Variants in CTNND2 observed in about 807,000 individuals in gnomAD.
CTNND2 encodes catenin delta 2, also known as catenin delta-2.
In CTNND2, 22 loss-of-function variants were observed where a neutral mutation model predicts 144.4. That is an observed-to-expected ratio of 0.15 (90% CI 0.11 to 0.22). The LOEUF (loss-of-function observed/expected upper bound fraction) is 0.22. Ranked by LOEUF, CTNND2 falls within the 10% of genes least tolerant of loss-of-function variation. The pLI is 1.00. For missense variants in CTNND2, 1,353 were observed against 1,618.8 expected (o/e 0.84, Z 2.82); for synonymous variants, 751 against 695.6 (o/e 1.08, Z -1.25).
chr5:11,308,874 G>C (rs1750519373), intron 9 of CTNND2, among the ~76,000 whole-genome samples: 1 of 152,146 alleles, frequency 6.6e-6, no homozygotes, highest in African/African-American at 2.4e-5. Flanking sequence ...TATACAGAAA[G>C]CATGGCTGGG....
chr5:11,277,956 G>A (rs1002240787), intron 9 of CTNND2, among the ~76,000 whole-genome samples: 2 of 152,104 alleles, frequency 1.3e-5, no homozygotes, highest in Non-Finnish European at 2.9e-5. Flanking sequence ...CTACAACATT[G>A]CTGCAAAGCC....
At chr5:11,566,259 T>G (rs953836800) in intron 2 of CTNND2, among the ~76,000 whole-genome samples, 4 of 152,192 alleles carry the variant, frequency 2.6e-5, no homozygotes, top group African/African-American at 9.6e-5. Flanking sequence ...CCCTTTAAGG[T>G]GCTGAAACTG....
At chr5:11,705,163 T>C (rs999181131) in intron 2 of CTNND2, among the ~76,000 whole-genome samples, 4 of 152,168 alleles carry the variant, frequency 2.6e-5, no homozygotes, top group African/African-American at 9.7e-5. Context: ...ACCAAATGCC[T>C]GAACAGGACA....
chr5:11,511,129 G>C (rs1412247624), intron 3 of CTNND2, among the ~76,000 whole-genome samples: 1 of 152,174 alleles, frequency 6.6e-6, no homozygotes, highest in Non-Finnish European at 1.5e-5. Context: ...TTGTCTTGTT[G>C]AGAGTTGATT....
At chr5:11,061,365 A>G (rs1161359783) in intron 16 of CTNND2, among the ~76,000 whole-genome samples, 3 of 152,196 alleles carry the variant, frequency 2.0e-5, no homozygotes, top group Non-Finnish European at 4.4e-5. Context: ...TGCTTTCATG[A>G]GCCAAAACTC....
At chr5:11,753,210 T>G (rs1489233159) in intron 1 of CTNND2, among the ~76,000 whole-genome samples, 1 of 151,780 alleles carries the variant, frequency 6.6e-6, no homozygotes, top group African/African-American at 2.4e-5. Context: ...TCCAGAACTG[T>G]GTTGAATGGA....
At chr5:11,706,887 C>T (rs1317974646) in intron 2 of CTNND2, among the ~76,000 whole-genome samples, 1 of 152,050 alleles carries the variant, frequency 6.6e-6, no homozygotes, top group Middle Eastern at 3.4e-3. Context: ...AGATCGAGAC[C>T]ATCCTGGCTA....
intron 3 of CTNND2, among the ~76,000 whole-genome samples, chr5:11,470,301 G>T (rs568870020): frequency 6.6e-6 from 1 of 152,240 alleles, no homozygotes; most frequent in Non-Finnish European, 1.5e-5. Context: ...GGGCATGGTG[G>T]TGCATGCCTG....
chr5:11,564,695 C>A (rs1172100979), intron 3 of CTNND2, among the ~76,000 whole-genome samples: 1 of 151,814 alleles, frequency 6.6e-6, no homozygotes, highest in African/African-American at 2.4e-5. Context: ...GAATGCAAAG[C>A]CTTCCTTTGT....
At position 11,384,838 on chromosome 5, in the gene CTNND2, G is replaced by C. The variant is rs896350842; in HGVS notation, c.1004C>G (p.Pro335Arg). The change falls in exon 7 of 22, where the codon CCC becomes CGC. Residue 335 changes from proline to arginine, a missense_variant. Coordinates refer to ENST00000304623, the MANE Select transcript of CTNND2 (RefSeq NM_001332.4). This position sits in a 1 kb window ranked among gnomAD's most constrained non-coding sequence, Gnocchi z 5.2. ...GGAGGAGATGGTGGACTGCACGGTG[G>C]GGGGCGAGGTCACGCGGATCGGGGA... Reference protein sequence around the residue: ...GLSPIRVTSPPTVQSTISSSP... With the variant: ...GLSPIRVTSPRTVQSTISSSP... 2.2e-5 allele frequency: 36 copies of C among 1,612,964 alleles called. No homozygotes were observed. The highest frequency in any genetic ancestry group is 3.3e-5 in the Admixed American group (2 of 59,936).
intron 10 of CTNND2, among the ~76,000 whole-genome samples, chr5:11,234,098 G>A (rs1324263568): frequency 2.0e-5 from 3 of 152,138 alleles, no homozygotes; most frequent in Non-Finnish European, 4.4e-5. Context: ...ACAGTGAGAA[G>A]TGATACAGGC....
intron 16 of CTNND2, among the ~76,000 whole-genome samples, chr5:11,032,111 A>G (rs1743541167): frequency 1.3e-5 from 2 of 152,314 alleles, no homozygotes; most frequent in South Asian, 4.1e-4. Context: ...GATTCTGCCA[A>G]TGTGATTGTG....
chr5:11,135,108 C>T (rs1379153692), intron 12 of CTNND2, among the ~76,000 whole-genome samples: 1 of 152,186 alleles, frequency 6.6e-6, no homozygotes, highest in Non-Finnish European at 1.5e-5. Flanking sequence ...TGCACTTAAC[C>T]AGCTTGGTGG....
chr5:11,464,953 G>A lies in CTNND2; in HGVS notation c.288-52884C>T, dbSNP rs574364120. Among the ~76,000 whole-genome samples the A allele has an allele frequency of 3.3e-5, 5 of 152,242 alleles. No individual in the cohort carries two copies. In the South Asian group the frequency reaches 8.3e-4, roughly 25 times the overall value. Reference sequence around the variant, plus strand: ...AGAGGAAATGCCTTCCTCAGTTATTGTGAGTATGGGCTGAGATCCCAAAAT... The same window carrying A: ...AGAGGAAATGCCTTCCTCAGTTATTATGAGTATGGGCTGAGATCCCAAAAT... On this transcript the variant is annotated intron_variant, in intron 3 of 21. Transcript: ENST00000304623.
intron 12 of CTNND2, among the ~76,000 whole-genome samples, chr5:11,153,502 G>A (rs1757939200): frequency 1.3e-5 from 2 of 152,074 alleles, no homozygotes; most frequent in Admixed American, 1.3e-4. Context: ...AACGTCCTTG[G>A]AGCTTTGTAG....
chr5:11,611,703 G>A (rs556740527), intron 2 of CTNND2, among the ~76,000 whole-genome samples: 32 of 152,286 alleles, frequency 2.1e-4, no homozygotes, highest in African/African-American at 4.8e-4. Flanking sequence ...GCTGGAACCC[G>A]GGAGGCCGAG....
intron 1 of CTNND2, among the ~76,000 whole-genome samples, chr5:11,900,521 C>G (rs553782870): frequency 6.6e-6 from 1 of 152,134 alleles, no homozygotes; most frequent in Non-Finnish European, 1.5e-5. Flanking sequence ...GTGATAGAAA[C>G]TATTTATTGA....
At chr5:11,028,322 C>A (rs1743080123) in intron 16 of CTNND2, among the ~76,000 whole-genome samples, 1 of 152,130 alleles carries the variant, frequency 6.6e-6, no homozygotes, top group South Asian at 2.1e-4. Context: ...TAAAACTGAT[C>A]TGTGGGTTTT....
chr5:11,334,574 T>A (rs1753544331), intron 9 of CTNND2, among the ~76,000 whole-genome samples: 1 of 152,222 alleles, frequency 6.6e-6, no homozygotes, highest in Admixed American at 6.5e-5. Context: ...CTGGACGCCC[T>A]CTGCCGGCAT....
Sources: gnomAD v4.1 joint callset for allele counts (sites outside exome capture counted in the v4.1 genomes callset) on GRCh38, gnomAD v4.1.1 for gene constraint, Gnocchi (gnomAD v3.1) non-coding constraint, MANE v1.5 for transcripts, NCBI Gene and HGNC (gene_info 2026-07-23, HGNC 2026-07-21) for gene names.